The following EML1 variants were observed in gnomAD, a reference collection of about 807,000 sequenced individuals.
EML1 encodes EMAP like 1.
A neutral mutation model predicts 110.4 loss-of-function variants in EML1; 27 were observed. The observed-to-expected ratio is 0.24, with a 90% CI of 0.18 to 0.34. The LOEUF is 0.34. Among genes scored for constraint, EML1 ranks in the 10% least tolerant of loss-of-function variants. The pLI is 1.00. For missense variants in EML1, 741 were observed against 1,030.9 expected (o/e 0.72, Z 3.85); for synonymous variants, 344 against 385.8 (o/e 0.89, Z 1.27).
At chr14:99,875,670 G>A (rs1445787934) in intron 3 of EML1, among the ~76,000 whole-genome samples, 1 of 152,212 alleles carries the variant, frequency 6.6e-6, no homozygotes, top group Non-Finnish European at 1.5e-5. Context: ...CCGGCAGCTG[G>A]TTGGGCAAAG....
intron 17 of EML1, among the ~76,000 whole-genome samples, chr14:99,927,372 T>G (rs1184852223): frequency 6.6e-6 from 1 of 152,196 alleles, no homozygotes; most frequent in Non-Finnish European, 1.5e-5. Context: ...TCTTCACGTG[T>G]TCCTCTGTCC....
chr14:99,934,890 G>A (rs1023286578), intron 17 of EML1, among the ~76,000 whole-genome samples: 2 of 152,200 alleles, frequency 1.3e-5, no homozygotes, highest in Admixed American at 6.5e-5. Context: ...GTTGCAAAGG[G>A]CTCCTTCCCA....
intron 1 of EML1, among the ~76,000 whole-genome samples, chr14:99,743,958 C>G (rs2057074474): frequency 6.6e-6 from 1 of 152,102 alleles, no homozygotes; most frequent in African/African-American, 2.4e-5. Context: ...TTGCATTTAG[C>G]ATTTGCAACC....
At chr14:99,910,952 G>C (rs545039292) in intron 12 of EML1, among the ~76,000 whole-genome samples, 1 of 152,138 alleles carries the variant, frequency 6.6e-6, no homozygotes, top group Non-Finnish European at 1.5e-5. Flanking sequence ...AGGTGGAGAC[G>C]GACTTGTAAA....
intron 1 of EML1, among the ~76,000 whole-genome samples, chr14:99,750,531 C>T (rs1180338617): frequency 2.0e-5 from 3 of 152,170 alleles, no homozygotes; most frequent in African/African-American, 7.2e-5. Flanking sequence ...CCTCTCTGGG[C>T]CTTTGTATCC....
chr14:99,780,775 A>G (rs2057531434), intron 1 of EML1, among the ~76,000 whole-genome samples: 1 of 152,152 alleles, frequency 6.6e-6, no homozygotes, highest in Non-Finnish European at 1.5e-5. Flanking sequence ...ATAGTTGCCT[A>G]CGATATTCAG....
At chr14:99,746,135 T>A (rs939766191) in intron 1 of EML1, among the ~76,000 whole-genome samples, 1 of 152,186 alleles carries the variant, frequency 6.6e-6, no homozygotes, top group African/African-American at 2.4e-5. Flanking sequence ...ATCATTCCAT[T>A]TTATAGACGA....
At chr14:99,786,026 T>C (rs1386012756) in intron 1 of EML1, among the ~76,000 whole-genome samples, 1 of 138,238 alleles carries the variant, frequency 7.2e-6, no homozygotes, top group Non-Finnish European at 1.5e-5. Context: ...TCACGGAAGT[T>C]CAACATGGAG....
intron 1 of EML1, among the ~76,000 whole-genome samples, chr14:99,743,519 G>A (rs761832852): frequency 2.0e-5 from 3 of 152,152 alleles, no homozygotes; most frequent in Non-Finnish European, 2.9e-5. Flanking sequence ...GCCCCCTTCC[G>A]TGTGCGGCCT....
At chr14:99,752,967 G>A (rs2057193696) in intron 1 of EML1, among the ~76,000 whole-genome samples, 1 of 152,116 alleles carries the variant, frequency 6.6e-6, no homozygotes, top group African/African-American at 2.4e-5. Flanking sequence ...AAAGAACGAG[G>A]CCTCTGACTT....
intron 1 of EML1, among the ~76,000 whole-genome samples, chr14:99,844,498 G>T (rs905687903): frequency 2.0e-5 from 3 of 149,618 alleles, no homozygotes; most frequent in African/African-American, 7.4e-5. Flanking sequence ...AAAAAAATTG[G>T]CAAAACCAAT....
chr14:99,750,625 G>A (rs928557031), intron 1 of EML1, among the ~76,000 whole-genome samples: 1 of 152,170 alleles, frequency 6.6e-6, no homozygotes. Flanking sequence ...CACAGTGGGG[G>A]GATCAGGGTG....
At chr14:99,826,308 T>G (rs1248702240) in intron 1 of EML1, among the ~76,000 whole-genome samples, 1 of 152,058 alleles carries the variant, frequency 6.6e-6, no homozygotes, top group East Asian at 1.9e-4. Context: ...ACACAGGGTT[T>G]TGCCATGTTG....
chr14:99,853,763 G>A (rs377089452), intron 2 of EML1, among the ~76,000 whole-genome samples: 4 of 152,110 alleles, frequency 2.6e-5, no homozygotes, highest in Non-Finnish European at 4.4e-5. Flanking sequence ...TCCGCCTCCC[G>A]GGTTCAAGCG....
chr14:99,937,653 C>T (rs941797548), intron 19 of EML1, among the ~76,000 whole-genome samples, 164 bp from the exon 20 acceptor site: 15 of 152,160 alleles, frequency 9.9e-5, no homozygotes, highest in Admixed American at 6.5e-4. Context: ...TCCAGGGGAA[C>T]TCACATCTGT....
At chr14:99,756,153 A>G (rs2057251476) in intron 1 of EML1, among the ~76,000 whole-genome samples, 1 of 152,208 alleles carries the variant, frequency 6.6e-6, no homozygotes, top group Non-Finnish European at 1.5e-5. Context: ...CAGCTCTCCA[A>G]GGTCAGCAAG....
intron 1 of EML1, among the ~76,000 whole-genome samples, chr14:99,837,759 T>C (rs1390259413): frequency 2.6e-5 from 4 of 152,200 alleles, no homozygotes; most frequent in Non-Finnish European, 4.4e-5. Flanking sequence ...TTTGGCCCCA[T>C]TGGTGATTTT....
intron 1 of EML1, among the ~76,000 whole-genome samples, chr14:99,762,215 A>G (rs12050262): frequency 0.95 from 145,250 of 152,228 alleles, 69,415 homozygotes; most frequent in East Asian, 1. Context: ...TGTGCCACTG[A>G]ATTGCTTTTA....
Position 99,913,723 on chromosome 14 carries a change from CTT to C in EML1, c.1495-455_1495-454del, listed in dbSNP as rs545876802. 1.1e-4 allele frequency among the ~76,000 whole-genome samples: 16 copies of C among 151,540 alleles called. No homozygotes were observed. In the East Asian group the frequency reaches 3.0e-3, roughly 28 times the overall value. ...TGTTTTTTTGAGATGGAGTTTCACT[CTT>C]GTCACCCAGGCTGGAGTGTAGTGGC... is the stretch of plus-strand genomic sequence containing the variant. On this transcript the variant is annotated intron_variant, in intron 13 of 21. Coordinates refer to ENST00000262233, the MANE Select transcript of EML1 (RefSeq NM_004434.3).
Sources: allele counts gnomAD v4.1 joint callset (sites outside exome capture counted in the v4.1 genomes callset), GRCh38; gene constraint gnomAD v4.1.1; transcripts MANE v1.5; gene names NCBI Gene and HGNC (gene_info 2026-07-23, HGNC 2026-07-21).